Variants in ACER3 observed in about 807,000 individuals in gnomAD.
ACER3 encodes alkCDase 3.
ACER3 carries 16 observed loss-of-function variants against 48.9 expected under a neutral mutation model. The ratio of observed to expected loss-of-function variants is 0.33; its 90% confidence interval spans 0.22 to 0.50. The LOEUF (loss-of-function observed/expected upper bound fraction) is 0.50, where lower values mean the gene tolerates loss of function less well. Ranked by LOEUF, ACER3 falls within the 20% of genes least tolerant of loss-of-function variation. The probability of loss-of-function intolerance (pLI) is 0.98; values close to 1 mark genes in which losing one functional copy is unlikely to be tolerated. For missense variants in ACER3, 227 were observed against 326.0 expected, an observed-to-expected ratio of 0.70 and a Z score of 2.34; for synonymous variants, 109 against 107.8, an observed-to-expected ratio of 1.01 and a Z score of -0.07.
At chr11:77,016,441 TGAGA>T (rs1486136809) in intron 8 of ACER3, among the ~76,000 whole-genome samples, 1 of 152,130 alleles carries the variant, frequency 6.6e-6, no homozygotes, top group African/African-American at 2.4e-5. Context: ...CAAAAAGATA[TGAGA>T]GAGAGAAGTG....
chr11:76,891,647 C>T (rs192675216), intron 1 of ACER3, among the ~76,000 whole-genome samples: 3 of 152,252 alleles, frequency 2.0e-5, no homozygotes, highest in Admixed American at 2.0e-4. Context: ...AGAGGAGGCT[C>T]CCTTGTGGGA....
chr11:76,984,035 A>C (rs1565213523), intron 4 of ACER3, among the ~76,000 whole-genome samples: 1 of 150,910 alleles, frequency 6.6e-6, no homozygotes, highest in Non-Finnish European at 1.5e-5. Flanking sequence ...TGATCTACCC[A>C]CCTCGGCCTC....
chr11:77,016,827 T>C, intron 9 of ACER3, 48 bp downstream of exon 9: 1 of 1,050,276 alleles, frequency 9.5e-7, no homozygotes, highest in Non-Finnish European at 1.4e-6. Flanking sequence ...TTGTTGTTTT[T>C]TTTTTTCTTT....
chr11:77,002,826 A>C (rs1949060735), intron 7 of ACER3, among the ~76,000 whole-genome samples: 1 of 152,228 alleles, frequency 6.6e-6, no homozygotes, highest in Non-Finnish European at 1.5e-5. Flanking sequence ...CATTAGGCTA[A>C]GTGAAATAAG....
At chr11:76,938,737 G>A (rs1023926118) in intron 2 of ACER3, among the ~76,000 whole-genome samples, 1 of 152,160 alleles carries the variant, frequency 6.6e-6, no homozygotes, top group South Asian at 2.1e-4. Flanking sequence ...GGAGTTAGAG[G>A]TATCAGCATG....
rs781923812 is a variant in ACER3 at position 76,998,805 on chromosome 11, A to C, written c.481A>C (p.Ile161Leu). The change falls in exon 7 of 11, where the codon ATT becomes CTT. Residue 161 changes from isoleucine (I) to leucine (L), a missense_variant. Ile to Leu is a conservative substitution (Grantham distance 5). Around this residue, in one of 3 missense-constraint regions of ACER3, gnomAD observed 195 missense variants for 290.8 expected, o/e 0.67. Transcript: ENST00000532485. ...GGTCTTTACATTAGTACTTCGATCT[A>C]TTTATATTGTTACATGGTAAGTAGT... ...MLVFTLVLRS[I>L]YIVTWVYPWL... 12 of 1,595,854 alleles carry C rather than the reference A, an allele frequency of 7.5e-6. No individual in the cohort carries two copies. Among genetic ancestry groups the C allele is most frequent in the Non-Finnish European group, 1.0e-5 (12 of 1,173,280 alleles).
intron 4 of ACER3, among the ~76,000 whole-genome samples, chr11:76,982,218 C>CTTT (rs142556459): frequency 4.4e-5 from 6 of 135,204 alleles, no homozygotes; most frequent in East Asian, 2.1e-4. Flanking sequence ...AACCTTTTTC[C>CTTT]TTTTTTTTTT....
chr11:76,923,170 C>T (rs1449663839), intron 1 of ACER3, among the ~76,000 whole-genome samples: 2 of 151,316 alleles, frequency 1.3e-5, no homozygotes, highest in South Asian at 4.2e-4. Context: ...ACAAACCCAG[C>T]TTGATTGAGG....
At chr11:76,965,198 GA>G (rs1172095080) in intron 3 of ACER3, among the ~76,000 whole-genome samples, 1 of 151,372 alleles carries the variant, frequency 6.6e-6, no homozygotes, top group East Asian at 1.9e-4. Context: ...TCAACTGGAA[GA>G]AAGGCTATCA....
Position 76,891,353 on chromosome 11 carries a change from C to T in ACER3, c.103+30274C>T, listed in dbSNP as rs187554363. On this transcript the variant is annotated intron_variant, in intron 1 of 10. Transcript: ENST00000532485. ...GTTGTAATGTTGGGACACTGTAGGC[C>T]TCAGAATCAGGCCTCAGGAAACAGA... Among the ~76,000 whole-genome samples the T allele has an allele frequency of 1.4e-3, 214 of 151,764 alleles. 1 individual carries two copies. The highest frequency in any genetic ancestry group is 0.01 in the Middle Eastern group (3 of 292).
chr11:76,951,078 G>A (rs759920330), intron 2 of ACER3, among the ~76,000 whole-genome samples: 9 of 151,938 alleles, frequency 5.9e-5, no homozygotes, highest in Non-Finnish European at 1.3e-4. Flanking sequence ...CCTAAGTTTT[G>A]GATCAGCTCT....
rs782611194 is a variant in ACER3, at chr11:77,019,810, G to A, written c.750+34G>A. Reference sequence around the variant, plus strand: ...ACTTCCTAGGTCCTGTGTGTGTGTTGGGGGTATGGTACTGGGAGTATAGGA... The same window carrying A: ...ACTTCCTAGGTCCTGTGTGTGTGTTAGGGGTATGGTACTGGGAGTATAGGA... On this transcript the variant is annotated intron_variant, in intron 10 of 10. Coordinates refer to ENST00000532485, the MANE Select transcript of ACER3 (RefSeq NM_018367.7). 4.4e-6 allele frequency: 7 copies of A among 1,605,010 alleles called. 1 individual carries two copies. The South Asian group carries it at 7.7e-5, about 18-fold the overall frequency.
chr11:76,932,912 T>C (rs113990099), intron 2 of ACER3, among the ~76,000 whole-genome samples: 63 of 152,128 alleles, frequency 4.1e-4, no homozygotes, highest in African/African-American at 1.4e-3. Context: ...GCAGAATCTA[T>C]GAAAGCAGTC....
chr11:76,874,706 C>G (rs778438056), intron 1 of ACER3, among the ~76,000 whole-genome samples: 9 of 152,176 alleles, frequency 5.9e-5, no homozygotes, highest in Non-Finnish European at 1.3e-4. Flanking sequence ...AGCATCAGCT[C>G]CTGCCTGAGT....
chr11:76,998,645 T>A (rs1459666811), intron 6 of ACER3, 118 bp from the exon 7 acceptor site: 1 of 658,216 alleles, frequency 1.5e-6, no homozygotes, highest in Non-Finnish European at 2.5e-6. Context: ...TTCTTTAAAA[T>A]GTAGTGAAGG....
chr11:76,918,010 C>T (rs1407072218), intron 1 of ACER3, among the ~76,000 whole-genome samples: 3 of 152,116 alleles, frequency 2.0e-5, no homozygotes, highest in African/African-American at 7.2e-5. Context: ...CTCTCCCTCC[C>T]GCTAAGTGTA....
At chr11:76,864,660 C>T (rs1396419217) in intron 1 of ACER3, among the ~76,000 whole-genome samples, 2 of 126,108 alleles carry the variant, frequency 1.6e-5, no homozygotes, top group Admixed American at 2.0e-4. Context: ...AATGCAGTGT[C>T]GCGATCTCGG....
intron 1 of ACER3, among the ~76,000 whole-genome samples, chr11:76,922,955 T>C (rs532358488): frequency 6.6e-6 from 1 of 152,142 alleles, no homozygotes; most frequent in Non-Finnish European, 1.5e-5. Flanking sequence ...AATACATCTA[T>C]GAAACTATTC....
At chr11:76,901,561 A>G (rs1946083253) in intron 1 of ACER3, among the ~76,000 whole-genome samples, 1 of 152,168 alleles carries the variant, frequency 6.6e-6, no homozygotes, top group South Asian at 2.1e-4. Context: ...TTAAAGAAGG[A>G]AGGGGTTTAT....
Sources: gnomAD v4.1 joint callset for allele counts (sites outside exome capture counted in the v4.1 genomes callset) on GRCh38, gnomAD v4.1.1 for gene constraint, gnomAD v4.1.1 regional missense constraint, MANE v1.5 for transcripts, NCBI Gene and HGNC (gene_info 2026-07-23, HGNC 2026-07-21) for gene names.